The following BACH2 variants were observed in gnomAD, a reference collection of about 807,000 sequenced individuals.
BACH2 encodes the protein BACH transcriptional regulator 2, also known as transcription regulator protein BACH2.
A neutral mutation model predicts 61.8 loss-of-function variants in BACH2; 5 were observed. That is an observed-to-expected ratio of 0.08 (90% CI 0.04 to 0.17). The LOEUF (loss-of-function observed/expected upper bound fraction) is 0.17. BACH2 is among the 10% of genes least tolerant of loss of function. The probability of loss-of-function intolerance (pLI) is 1.00; values close to 1 mark genes in which losing one functional copy is unlikely to be tolerated. For missense variants in BACH2, 824 were observed against 1,091.1 expected (o/e 0.76, Z 3.45); for synonymous variants, 446 against 440.1 (o/e 1.01, Z -0.17).
chr6:90,217,572 G>A (rs1038762895), intron 3 of BACH2, among the ~76,000 whole-genome samples: 6 of 151,792 alleles, frequency 4.0e-5, no homozygotes, highest in Non-Finnish European at 5.9e-5. Flanking sequence ...TCATCCACGC[G>A]GCATATTTTC....
intron 7 of BACH2, among the ~76,000 whole-genome samples, chr6:89,949,249 G>C (rs1773926351): frequency 1.3e-5 from 2 of 152,130 alleles, no homozygotes; most frequent in African/African-American, 4.8e-5. Flanking sequence ...CTGTGTTTTT[G>C]GGATACACAG....
At chr6:90,041,312 T>C (rs1779522275) in intron 5 of BACH2, among the ~76,000 whole-genome samples, 1 of 151,068 alleles carries the variant, frequency 6.6e-6, no homozygotes. Flanking sequence ...TATATAATAA[T>C]AATTTTATGT....
At chr6:89,939,080 G>A (rs1355102059) in intron 7 of BACH2, among the ~76,000 whole-genome samples, 1 of 152,184 alleles carries the variant, frequency 6.6e-6, no homozygotes, top group Admixed American at 6.5e-5. Context: ...TTATCAAAAG[G>A]TGAGATGCAT....
intron 6 of BACH2, among the ~76,000 whole-genome samples, chr6:89,959,855 G>A (rs1440276043): frequency 6.6e-6 from 1 of 152,180 alleles, no homozygotes; most frequent in Non-Finnish European, 1.5e-5. Flanking sequence ...TCTTTTGCTG[G>A]TTAACTTATT....
At chr6:89,998,120 T>G (rs745956043) in intron 6 of BACH2, among the ~76,000 whole-genome samples, 46 of 152,206 alleles carry the variant, frequency 3.0e-4, no homozygotes, top group Non-Finnish European at 5.1e-4. Flanking sequence ...GTATCCTTCC[T>G]TTGGTTTTCT....
At chr6:90,107,857 G>C (rs2127814791) in intron 4 of BACH2, among the ~76,000 whole-genome samples, 1 of 152,164 alleles carries the variant, frequency 6.6e-6, no homozygotes, top group African/African-American at 2.4e-5. Context: ...TCATGGAACT[G>C]TACAAGGCTT....
chr6:90,168,040 A>G (rs1157705293), intron 4 of BACH2, among the ~76,000 whole-genome samples: 1 of 152,236 alleles, frequency 6.6e-6, no homozygotes, highest in Non-Finnish European at 1.5e-5. Flanking sequence ...GGATGTGCAA[A>G]GAGGCTGACC....
chr6:90,013,038 T>C (rs1777810948), intron 5 of BACH2, among the ~76,000 whole-genome samples: 1 of 152,206 alleles, frequency 6.6e-6, no homozygotes, highest in African/African-American at 2.4e-5. Context: ...TTTGATGCCA[T>C]TGTAAATGGC....
intron 6 of BACH2, among the ~76,000 whole-genome samples, chr6:89,992,233 ATG>A (rs1238344694): frequency 6.6e-6 from 1 of 152,374 alleles, no homozygotes; most frequent in South Asian, 2.1e-4. Context: ...ATATATATTT[ATG>A]TGTTACAATT....
intron 1 of BACH2, among the ~76,000 whole-genome samples, chr6:90,291,175 T>C (rs1402960109): frequency 6.6e-6 from 1 of 152,166 alleles, no homozygotes; most frequent in Non-Finnish European, 1.5e-5. Flanking sequence ...ACGGTGATTA[T>C]GAAGTCACTG....
chr6:90,104,921 C>G (rs572907847), intron 4 of BACH2, among the ~76,000 whole-genome samples: 1 of 152,010 alleles, frequency 6.6e-6, no homozygotes, highest in African/African-American at 2.4e-5. Context: ...CTAAGGAGAC[C>G]GATAATTCTA....
At chr6:90,102,149 T>C (rs1022801878) in intron 4 of BACH2, among the ~76,000 whole-genome samples, 1 of 152,110 alleles carries the variant, frequency 6.6e-6, no homozygotes, top group East Asian at 1.9e-4. Context: ...TCACTATAAA[T>C]ATAAGGAGCT....
intron 5 of BACH2, among the ~76,000 whole-genome samples, chr6:90,013,438 CTT>C (rs1777831945): frequency 6.6e-6 from 1 of 151,568 alleles, no homozygotes; most frequent in Non-Finnish European, 1.5e-5. Flanking sequence ...AGTTTTATTT[CTT>C]TCTCTCCCTC....
intron 4 of BACH2, among the ~76,000 whole-genome samples, chr6:90,102,853 C>A (rs1043308219): frequency 2.9e-5 from 4 of 137,890 alleles, no homozygotes; most frequent in Non-Finnish European, 4.8e-5. Context: ...AATAAAAGGA[C>A]CTTCCATTCA....
chr6:90,199,560 C>A (rs1055765516), intron 4 of BACH2, among the ~76,000 whole-genome samples: 3 of 152,202 alleles, frequency 2.0e-5, no homozygotes, highest in Non-Finnish European at 4.4e-5. Context: ...TAAATTTGCA[C>A]TTCCATACCT....
At chr6:90,101,762 TC>T (rs1224830311) in intron 4 of BACH2, among the ~76,000 whole-genome samples, 1 of 152,248 alleles carries the variant, frequency 6.6e-6, no homozygotes, top group East Asian at 1.9e-4. Flanking sequence ...AGTTTTGCCA[TC>T]TTAACAAGTC....
At chr6:90,044,484 A>C (rs1475143859) in intron 5 of BACH2, among the ~76,000 whole-genome samples, 1 of 152,052 alleles carries the variant, frequency 6.6e-6, no homozygotes, top group East Asian at 1.9e-4. Flanking sequence ...TTTGGGTTTT[A>C]CTCTAAGTGT....
chr6:90,160,265 T>G (rs16882480), intron 4 of BACH2, among the ~76,000 whole-genome samples: 4,926 of 152,156 alleles, frequency 0.032, 261 homozygotes, highest in African/African-American at 0.11. Flanking sequence ...ACTGGACAAA[T>G]ACAGAAATTA....
At chr6:90,211,445 T>C (rs1769346219) in intron 3 of BACH2, among the ~76,000 whole-genome samples, 3 of 152,276 alleles carry the variant, frequency 2.0e-5, no homozygotes, top group South Asian at 2.1e-4. Context: ...CACCACTATT[T>C]ATTTACCATC....
Sources: gnomAD v4.1 joint callset for allele counts (sites outside exome capture counted in the v4.1 genomes callset) on GRCh38, gnomAD v4.1.1 for gene constraint, MANE v1.5 for transcripts, NCBI Gene and HGNC (gene_info 2026-07-23, HGNC 2026-07-21) for gene names.